The following PDE11A variants were observed in gnomAD, a reference collection of about 807,000 sequenced individuals.
PDE11A encodes the protein dual 3',5'-cyclic-AMP and -GMP phosphodiesterase 11A.
Under a neutral mutation model 100.5 loss-of-function variants are expected in PDE11A, and 100 were observed. That is an observed-to-expected ratio of 1.00 (90% CI 0.85 to 1.18). The LOEUF (loss-of-function observed/expected upper bound fraction) is 1.18. Among genes scored for constraint, PDE11A ranks in the 50% most tolerant of loss-of-function variants. PDE11A has a pLI of 0.00. For missense variants in PDE11A, 1,141 were observed against 1,152.6 expected, an observed-to-expected ratio of 0.99 and a Z score of 0.15; for synonymous variants, 381 against 420.8, an observed-to-expected ratio of 0.91 and a Z score of 1.16.
intron 4 of PDE11A, among the ~76,000 whole-genome samples, chr2:177,885,894 C>T (rs1268137908): frequency 6.6e-6 from 1 of 152,118 alleles, no homozygotes; most frequent in Non-Finnish European, 1.5e-5. Context: ...TGTAAAGAAA[C>T]TCCAGACACT....
At chr2:177,873,825 T>C (rs950598886) in intron 5 of PDE11A, among the ~76,000 whole-genome samples, 13 of 152,238 alleles carry the variant, frequency 8.5e-5, no homozygotes, top group African/African-American at 3.1e-4. Context: ...ATTTACTTTT[T>C]ATTTTTACTT....
At chr2:177,943,250 C>A (rs2085365795) in intron 2 of PDE11A, among the ~76,000 whole-genome samples, 1 of 152,198 alleles carries the variant, frequency 6.6e-6, no homozygotes, top group Admixed American at 6.5e-5. Flanking sequence ...AGTGAGATTG[C>A]TGGATTATAC....
In PDE11A at chr2:178,003,821, G is replaced by A. The variant is rs573248410; in HGVS notation, c.1071+10481C>T. ...TGAACCATATAAAACTGCAGATATC[G>A]GATCATTTTTGACCTATAGAACAGC... On this transcript the variant is annotated intron_variant, in intron 2 of 19. Coordinates refer to ENST00000286063, the MANE Select transcript of PDE11A (RefSeq NM_016953.4). Among the ~76,000 whole-genome samples, 125 of 152,170 alleles carry A rather than the reference G, an allele frequency of 8.2e-4. 1 individual carries two copies. Among genetic ancestry groups the A allele is most frequent in the Middle Eastern group, 6.8e-3 (2 of 294 alleles).
intron 10 of PDE11A, among the ~76,000 whole-genome samples, chr2:177,760,407 A>G (rs2082152452): frequency 6.6e-6 from 1 of 152,196 alleles, no homozygotes; most frequent in Non-Finnish European, 1.5e-5. Context: ...CAAATATAAT[A>G]TAGTCATGGG....
chr2:177,814,571 C>A (rs924662912), intron 9 of PDE11A, among the ~76,000 whole-genome samples: 1 of 152,146 alleles, frequency 6.6e-6, no homozygotes, highest in African/African-American at 2.4e-5. Flanking sequence ...ACTTTCCACA[C>A]TGGCACAAAA....
At chr2:177,844,799 A>C (rs1464585077) in intron 5 of PDE11A, among the ~76,000 whole-genome samples, 1 of 151,546 alleles carries the variant, frequency 6.6e-6, no homozygotes, top group East Asian at 1.9e-4. Flanking sequence ...CACCGCCCTT[A>C]ATCCATTTAA....
intron 1 of PDE11A, among the ~76,000 whole-genome samples, chr2:178,066,493 C>G (rs2087045981): frequency 6.6e-6 from 1 of 152,180 alleles, no homozygotes; most frequent in African/African-American, 2.4e-5. Flanking sequence ...TCTCCCCTCC[C>G]ACTGCCTGCC....
intron 9 of PDE11A, among the ~76,000 whole-genome samples, chr2:177,769,997 T>C (rs1186949214): frequency 3.3e-5 from 5 of 151,850 alleles, no homozygotes; most frequent in African/African-American, 1.2e-4. Flanking sequence ...AGCTAGAGCA[T>C]GTGTGTGCGA....
chr2:177,860,264 C>T (rs528984044), intron 5 of PDE11A, among the ~76,000 whole-genome samples: 6 of 147,720 alleles, frequency 4.1e-5, no homozygotes, highest in South Asian at 4.3e-4. Flanking sequence ...AGATAAGAAA[C>T]GAAAGAGGGG....
intron 10 of PDE11A, among the ~76,000 whole-genome samples, chr2:177,731,118 CT>C (rs767749536): frequency 2.6e-4 from 40 of 152,118 alleles, no homozygotes; most frequent in African/African-American, 9.6e-4. Context: ...GACAGGTTTT[CT>C]TTTTTTTAAG....
intron 2 of PDE11A, among the ~76,000 whole-genome samples, chr2:177,913,360 G>C (rs956502915): frequency 4.6e-5 from 7 of 152,088 alleles, no homozygotes; most frequent in Non-Finnish European, 8.8e-5. Flanking sequence ...TTTCTGTACC[G>C]GGCAATATTC....
intron 2 of PDE11A, among the ~76,000 whole-genome samples, chr2:178,078,120 A>G (rs532034375): frequency 1.3e-5 from 2 of 150,886 alleles, no homozygotes; most frequent in African/African-American, 4.9e-5. Context: ...TCCTGCCACA[A>G]CTCTCCAAGC....
At chr2:177,846,051 G>GAGGGAC (rs1574208065) in intron 5 of PDE11A, among the ~76,000 whole-genome samples, 2 of 152,028 alleles carry the variant, frequency 1.3e-5, no homozygotes, top group East Asian at 3.9e-4. Flanking sequence ...GGGAGAGGGA[G>GAGGGAC]AGGGAGAGGG....
At chr2:177,771,283 A>G (rs574056970) in intron 9 of PDE11A, among the ~76,000 whole-genome samples, 4 of 152,362 alleles carry the variant, frequency 2.6e-5, no homozygotes, top group South Asian at 4.1e-4. Flanking sequence ...CCCAAATTTA[A>G]TTAGCCACAG....
intron 9 of PDE11A, among the ~76,000 whole-genome samples, chr2:177,816,331 A>G (rs1214235882): frequency 6.6e-6 from 1 of 152,222 alleles, no homozygotes; most frequent in Non-Finnish European, 1.5e-5. Context: ...CTGAGAGGAC[A>G]TATGTGCAGA....
intron 9 of PDE11A, among the ~76,000 whole-genome samples, chr2:177,780,133 G>C (rs1049318299): frequency 2.0e-5 from 3 of 152,206 alleles, no homozygotes; most frequent in Non-Finnish European, 4.4e-5. Flanking sequence ...TGTCTGAGCA[G>C]TAAGTCTCAA....
chr2:177,711,983 A>T, intron 12 of PDE11A, 105 bp from the exon 13 acceptor site: 1 of 675,496 alleles, frequency 1.5e-6, no homozygotes, highest in Non-Finnish European at 2.7e-6. Flanking sequence ...CACATCATTT[A>T]AGGAGATGAT....
At chr2:177,863,523 A>G (rs1220235905) in intron 5 of PDE11A, among the ~76,000 whole-genome samples, 1 of 152,080 alleles carries the variant, frequency 6.6e-6, no homozygotes, top group African/African-American at 2.4e-5. Flanking sequence ...TGGGCAAAAA[A>G]TCAGAATAGA....
chr2:177,997,309 A>G, intron 2 of PDE11A: 1 of 944,710 alleles, frequency 1.1e-6, no homozygotes, highest in Admixed American at 1.7e-5. Context: ...TATATTTCTC[A>G]CTGGGAGGAT....
Sources: gnomAD v4.1 joint callset for allele counts (sites outside exome capture counted in the v4.1 genomes callset) on GRCh38, gnomAD v4.1.1 for gene constraint, MANE v1.5 for transcripts, NCBI Gene and HGNC (gene_info 2026-07-23, HGNC 2026-07-21) for gene names.